NT5C2: variants seen among roughly 807,000 people sequenced by gnomAD.
NT5C2 encodes cytosolic purine 5'-nucleotidase.
A neutral mutation model predicts 76.1 loss-of-function variants in NT5C2; 58 were observed. That is an observed-to-expected ratio of 0.76 (90% CI 0.62 to 0.95). The LOEUF (loss-of-function observed/expected upper bound fraction) is 0.95. Ranked by LOEUF, NT5C2 falls within the 40% of genes least tolerant of loss-of-function variation. The pLI is 0.00. For synonymous variants in NT5C2, 229 were observed against 237.4 expected, an observed-to-expected ratio of 0.96 and a Z score of 0.32; for missense variants, 478 against 690.3, an observed-to-expected ratio of 0.69 and a Z score of 3.45.
chr10:103,189,028 AAG>A (rs2092379978), intron 1 of NT5C2, among the ~76,000 whole-genome samples: 1 of 138,940 alleles, frequency 7.2e-6, no homozygotes, highest in African/African-American at 2.7e-5. Context: ...TGTGGGATGA[AAG>A]AGCCTGCTTG....
At chr10:103,130,994 T>A (rs1048230739) in intron 4 of NT5C2, among the ~76,000 whole-genome samples, 2 of 152,202 alleles carry the variant, frequency 1.3e-5, no homozygotes, top group Non-Finnish European at 2.9e-5. Flanking sequence ...TTCCCACATT[T>A]GAAAACAAGA....
intron 2 of NT5C2, among the ~76,000 whole-genome samples, chr10:103,176,995 C>CT (rs964449640): frequency 1.9e-4 from 28 of 145,968 alleles, no homozygotes; most frequent in Admixed American, 2.7e-4. Context: ...CAGATTTGTA[C>CT]TTTTTTTTTT....
At chr10:103,123,030 T>C (rs560854274) in intron 4 of NT5C2, among the ~76,000 whole-genome samples, 8 of 152,226 alleles carry the variant, frequency 5.3e-5, no homozygotes, top group Non-Finnish European at 1.2e-4. Flanking sequence ...TCTTTTCTTA[T>C]AGGGGCCGCA....
At chr10:103,174,377 C>T (rs2089253678) in intron 3 of NT5C2, among the ~76,000 whole-genome samples, 2 of 152,194 alleles carry the variant, frequency 1.3e-5, no homozygotes, top group Non-Finnish European at 2.9e-5. Context: ...TGCACTCCAG[C>T]CTAGGCAACA....
chr10:103,152,575 A>G (rs978880490), intron 3 of NT5C2, among the ~76,000 whole-genome samples: 2 of 152,184 alleles, frequency 1.3e-5, no homozygotes, highest in Admixed American at 1.3e-4. Flanking sequence ...CTTTTACTGT[A>G]TTTTTAAAGA....
Position 103,089,875 on chromosome 10 carries a change from C to T in NT5C2, c.1483G>A (p.Val495Ile), listed in dbSNP as rs779604935. Residue 495 changes from valine to isoleucine, a missense_variant, in exon 19 of 19, where the codon GTA (valine) becomes ATA (isoleucine). By Grantham distance (29) the Val-to-Ile change is conservative (BLOSUM62 3). Transcript: ENST00000404739. ...GGAGACTCCATCTCATTGATATCTA[C>T]GTGTGTGTGCTCCACCGTTGATTCA... ...PHESTVEHTH[V>I]DINEMESPLA... 12 of 1,612,050 alleles carry T rather than the reference C, an allele frequency of 7.4e-6. No individual in the cohort carries two copies. The highest frequency in any genetic ancestry group is 2.2e-5 in the East Asian group (1 of 44,832).
At chr10:103,155,488 C>G (rs2083189075) in intron 3 of NT5C2, among the ~76,000 whole-genome samples, 1 of 152,156 alleles carries the variant, frequency 6.6e-6, no homozygotes, top group Non-Finnish European at 1.5e-5. Flanking sequence ...TCTTAATCAC[C>G]AGGCTAAAAG....
Position 103,161,008 on chromosome 10 carries a change from C to CA in NT5C2, c.101+13849dup, listed in dbSNP as rs1207253237. Among the ~76,000 whole-genome samples the CA allele has an allele frequency of 4.6e-5, 7 of 151,116 alleles. No homozygotes were observed. The South Asian group carries it at 8.4e-4, about 18-fold the overall frequency. ...GCCTGGCGACAGCAAGACTCCATCT[C>CA]AAAAAAAAGGCAGTAAGTGTGATGA... On this transcript the variant is annotated intron_variant, in intron 3 of 18. Coordinates refer to ENST00000404739, the MANE Select transcript of NT5C2 (RefSeq NM_001351169.2).
intron 3 of NT5C2, among the ~76,000 whole-genome samples, chr10:103,152,271 TAAAA>T (rs2082539428): frequency 6.6e-6 from 1 of 152,154 alleles, no homozygotes; most frequent in South Asian, 2.1e-4. Flanking sequence ...TATACCAATC[TAAAA>T]CAGCAGTCCT....
chr10:103,120,906 C>G (rs1207488584), intron 4 of NT5C2, among the ~76,000 whole-genome samples: 1 of 152,134 alleles, frequency 6.6e-6, no homozygotes, highest in Non-Finnish European at 1.5e-5. Context: ...CCATGTCCAT[C>G]AACAGATGAA....
At chr10:103,168,973 A>G (rs1395303608) in intron 3 of NT5C2, among the ~76,000 whole-genome samples, 1 of 152,018 alleles carries the variant, frequency 6.6e-6, no homozygotes, top group African/African-American at 2.4e-5. Flanking sequence ...AATTGACTTA[A>G]CTAGAAAACT....
At chr10:103,130,257 C>A (rs1400893934) in intron 4 of NT5C2, among the ~76,000 whole-genome samples, 1 of 151,696 alleles carries the variant, frequency 6.6e-6, no homozygotes, top group African/African-American at 2.4e-5. Flanking sequence ...GACCTTACCC[C>A]CAACCCTGTG....
chr10:103,157,900 C>T (rs140238670), intron 3 of NT5C2, among the ~76,000 whole-genome samples: 150 of 152,090 alleles, frequency 9.9e-4, no homozygotes, highest in African/African-American at 3.5e-3. Flanking sequence ...CTGGGAAACC[C>T]CGTCTCTACT....
At chr10:103,095,894 A>G (rs1342864616) in intron 12 of NT5C2, 45 bp downstream of exon 12, 2 of 1,517,914 alleles carry the variant, frequency 1.3e-6, no homozygotes, top group South Asian at 2.3e-5. Context: ...GATTAAATGC[A>G]TTCATTGTTA....
chr10:103,123,865 G>A (rs1350340404), intron 4 of NT5C2, among the ~76,000 whole-genome samples: 1 of 151,716 alleles, frequency 6.6e-6, no homozygotes, highest in Non-Finnish European at 1.5e-5. Flanking sequence ...GAAAAAAAAA[G>A]TCATTATGAT....
chr10:103,121,295 T>A (rs1281569305), intron 4 of NT5C2, among the ~76,000 whole-genome samples: 1 of 152,168 alleles, frequency 6.6e-6, no homozygotes. Flanking sequence ...TTCTATATAT[T>A]TTACCATAAA....
chr10:103,093,435 A>G lies in NT5C2; in HGVS notation c.989-126T>C. The G allele has an allele frequency of 6.2e-6, 5 of 802,364 alleles. No homozygotes were observed. In the South Asian group the frequency reaches 9.1e-5, roughly 15 times the overall value. 49.7% of individuals were successfully genotyped at this position (802,364 alleles called of 1,614,324 possible). On this transcript the variant is annotated intron_variant, in intron 14 of 18. Transcript: ENST00000404739. ...ATGAGGAACAGACTAGGAAGAATAG[A>G]CAAAGACTCACCATTCTCTTTTTAC...
At chr10:103,129,647 G>A (rs1157770702) in intron 4 of NT5C2, among the ~76,000 whole-genome samples, 6 of 80,992 alleles carry the variant, frequency 7.4e-5, no homozygotes, top group South Asian at 8.0e-4. Context: ...CCCCCCGCCC[G>A]GCCAGCCGCC....
chr10:103,089,493 T>C lies in NT5C2; in HGVS notation c.*179A>G. 8.7e-7 allele frequency: 1 copy of C among 1,150,620 alleles called. No homozygotes were observed. The highest frequency in any genetic ancestry group is 1.2e-6 in the Non-Finnish European group (1 of 851,070). The allele number at this position is 1,150,620 out of a possible 1,614,324, so 71.3% of individuals were successfully genotyped here. ...ACAATTTTGGACCATCTGCAGAGAG[T>C]ACAGATACACAAAACCAAAACAAGT... On this transcript the variant is annotated 3_prime_UTR_variant, in exon 19 of 19. Transcript: ENST00000404739.
Sources: gnomAD v4.1 joint callset for allele counts (sites outside exome capture counted in the v4.1 genomes callset) on GRCh38, gnomAD v4.1.1 for gene constraint, MANE v1.5 for transcripts, NCBI Gene and HGNC (gene_info 2026-07-23, HGNC 2026-07-21) for gene names.